Variants in DMD observed in about 807,000 individuals in gnomAD.
The protein encoded by DMD is mutant dystrophin.
Under a neutral mutation model 330.1 loss-of-function variants are expected in DMD, and 63 were observed. The observed-to-expected ratio is 0.19, with a 90% CI of 0.16 to 0.24. The LOEUF (loss-of-function observed/expected upper bound fraction) is 0.24, where lower values mean the gene tolerates loss of function less well. DMD is among the 10% of genes least tolerant of loss of function. The pLI is 1.00. For synonymous variants in DMD, 1,223 were observed against 959.8 expected, an observed-to-expected ratio of 1.27 and a Z score of -5.07; for missense variants, 3,344 against 2,684.1, an observed-to-expected ratio of 1.25 and a Z score of -5.43.
At chrX:32,905,611 G>C (rs745903273) in intron 2 of DMD, among the ~76,000 whole-genome samples, 1 of 111,505 alleles carries the variant, frequency 9.0e-6, no homozygotes. Flanking sequence ...TTGTTTGTTA[G>C]CCAGCTTATT....
chrX:31,901,007 C>A (rs1205290151), intron 47 of DMD, among the ~76,000 whole-genome samples: 1 of 111,664 alleles, frequency 9.0e-6, no homozygotes, highest in Non-Finnish European at 1.9e-5. Flanking sequence ...ACCCATGCTC[C>A]TCTAGACATT....
intron 7 of DMD, among the ~76,000 whole-genome samples, chrX:32,768,101 T>A (rs780759089): frequency 8.9e-6 from 1 of 112,042 alleles, no homozygotes; most frequent in Admixed American, 9.5e-5. Flanking sequence ...CTAAGAAACG[T>A]CAGTGGATAC....
intron 65 of DMD, among the ~76,000 whole-genome samples, chrX:31,209,106 T>C (rs1352357824): frequency 8.9e-6 from 1 of 111,926 alleles, no homozygotes; most frequent in African/African-American, 3.2e-5. Context: ...AAGACCATTC[T>C]GATCTGGAGA....
intron 55 of DMD, among the ~76,000 whole-genome samples, chrX:31,616,793 G>A (rs2078224426): frequency 9.0e-6 from 1 of 111,544 alleles, no homozygotes; most frequent in Non-Finnish European, 1.9e-5. Context: ...GTAAGAGTGT[G>A]AATGAGAGTG....
chrX:31,168,039 G>A (rs746676222), intron 74 of DMD, among the ~76,000 whole-genome samples: 3 of 112,006 alleles, frequency 2.7e-5, no homozygotes, highest in Non-Finnish European at 5.6e-5. Context: ...GGGCTCCATG[G>A]GGAAAGTTAT....
chrX:32,989,447 T>C (rs746230199), intron 2 of DMD, among the ~76,000 whole-genome samples: 1 of 111,701 alleles, frequency 9.0e-6, no homozygotes, highest in South Asian at 3.7e-4. Context: ...GTGTTAACAA[T>C]ATGTACTTCA....
chrX:31,807,013 A>G (rs1258971764), intron 50 of DMD, among the ~76,000 whole-genome samples: 1 of 111,939 alleles, frequency 8.9e-6, no homozygotes, highest in African/African-American at 3.2e-5. Context: ...GAAATTGCAG[A>G]TGGGAGGCAA....
intron 1 of DMD, among the ~76,000 whole-genome samples, chrX:33,026,983 C>T (rs899598416): frequency 8.0e-5 from 9 of 111,983 alleles, no homozygotes; most frequent in Non-Finnish European, 1.7e-4. Context: ...ACTTTTTAGT[C>T]CTCTTCTCAT....
At chrX:32,661,506 T>C (rs1317071704) in intron 9 of DMD, among the ~76,000 whole-genome samples, 3 of 111,763 alleles carry the variant, frequency 2.7e-5, no homozygotes, top group African/African-American at 6.5e-5. Context: ...ATTAACTTGT[T>C]GCCAGACTTT....
At chrX:32,464,475 A>C in intron 24 of DMD, 111 bp downstream of exon 24, 1 of 579,176 alleles carries the variant, frequency 1.7e-6, no homozygotes. Flanking sequence ...CATTAAAAAA[A>C]ATCCACTGGG....
chrX:31,237,308 T>C (rs1248238015), intron 63 of DMD, among the ~76,000 whole-genome samples: 1 of 112,304 alleles, frequency 8.9e-6, no homozygotes, highest in Non-Finnish European at 1.9e-5. Context: ...TCTAGGATCA[T>C]AGTAAACTAT....
intron 41 of DMD, among the ~76,000 whole-genome samples, chrX:32,322,162 GAA>G (rs997655098): frequency 2.7e-5 from 3 of 111,439 alleles, no homozygotes; most frequent in African/African-American, 9.8e-5. Flanking sequence ...TGAGAAAAAA[GAA>G]GAGATGGAAG....
intron 48 of DMD, among the ~76,000 whole-genome samples, chrX:31,861,362 C>G (rs1380176536): frequency 9.1e-6 from 1 of 110,490 alleles, no homozygotes; most frequent in Non-Finnish European, 1.9e-5. Context: ...CTATGAAGAG[C>G]AATTTGGCAA....
chrX:31,332,072 T>C (rs2057158361), intron 61 of DMD, among the ~76,000 whole-genome samples: 1 of 112,364 alleles, frequency 8.9e-6, no homozygotes, highest in Non-Finnish European at 1.9e-5. Flanking sequence ...CGCAGTGTGC[T>C]TCCTAGCTCC....
intron 48 of DMD, among the ~76,000 whole-genome samples, chrX:31,845,375 GTCTCTCTCTCTCTCTCTCTCTCTCTCTC>G (rs535397626): frequency 8.3e-5 from 5 of 60,097 alleles, no homozygotes; most frequent in African/African-American, 2.8e-4. Flanking sequence ...ACAGAATAAA[GTCTCTCTCTCTCTCTCTCTCTCTCTCTC>G]TCTCTCTCTC....
chrX:32,013,199 G>T (rs1375663470), intron 44 of DMD, among the ~76,000 whole-genome samples: 1 of 99,873 alleles, frequency 1.0e-5, no homozygotes, highest in Non-Finnish European at 2.0e-5. Context: ...CAATTCTCCT[G>T]CCTCAGCCTG....
chrX:31,974,187 T>A (rs1470679132), intron 44 of DMD, among the ~76,000 whole-genome samples: 4 of 111,857 alleles, frequency 3.6e-5, no homozygotes, highest in South Asian at 7.5e-4. Flanking sequence ...CTATATGTTC[T>A]CACTTATAAG....
At chrX:32,495,145 C>G (rs761949570) in intron 19 of DMD, among the ~76,000 whole-genome samples, 26 of 111,982 alleles carry the variant, frequency 2.3e-4, no homozygotes, top group African/African-American at 8.4e-4. Context: ...AATCAGAAGT[C>G]TTGCTATGAA....
chrX:33,082,891 T>C (rs1160369494), intron 1 of DMD, among the ~76,000 whole-genome samples: 2 of 112,340 alleles, frequency 1.8e-5, no homozygotes, highest in Non-Finnish European at 3.8e-5. Context: ...TTCTATCACG[T>C]GATATCCCTC....
Sources: gnomAD v4.1 joint callset for allele counts (sites outside exome capture counted in the v4.1 genomes callset) on GRCh38, gnomAD v4.1.1 for gene constraint, MANE v1.5 for transcripts, NCBI Gene and HGNC (gene_info 2026-07-23, HGNC 2026-07-21) for gene names.